TACC2: variants seen among roughly 807,000 people sequenced by gnomAD.
TACC2 encodes the protein transforming acidic coiled-coil-containing protein 2.
Under a neutral mutation model 227.3 loss-of-function variants are expected in TACC2, and 137 were observed. The ratio of observed to expected loss-of-function variants is 0.60; its 90% CI spans 0.52 to 0.69. TACC2 has a LOEUF of 0.69. Ranked by LOEUF, TACC2 falls within the 30% of genes least tolerant of loss-of-function variation. The probability of loss-of-function intolerance (pLI) is 0.00; values close to 1 mark genes in which losing one functional copy is unlikely to be tolerated. For missense variants in TACC2, 3,470 were observed against 3,694.4 expected, an observed-to-expected ratio of 0.94 and a Z score of 1.57; for synonymous variants, 1,523 against 1,487.5, an observed-to-expected ratio of 1.02 and a Z score of -0.55.
rs761467777 is a variant in TACC2 at position 122,083,136 on chromosome 10, G to A, written c.636G>A (p.Pro212=). The A allele has an allele frequency of 3.7e-6, 6 of 1,613,054 alleles. No individual in the cohort carries two copies. Among genetic ancestry groups the A allele is most frequent in the Admixed American group, 3.3e-5 (2 of 60,004 alleles). Residue 212 remains proline (P), a synonymous_variant, in exon 4 of 23, where the codon CCG becomes CCA. Transcript: ENST00000369005. ...PVPLREPMKA[P]LCGEGDQPGG... is the part of the protein sequence containing the mutation. The stretch of plus-strand genomic sequence containing the variant: ...CCCTCAGAGAGCCAATGAAGGCACC[G>A]CTGTGTGGAGAGGGGGACCAGCCTG...
intron 1 of TACC2, among the ~76,000 whole-genome samples, chr10:122,013,665 A>G (rs1956213100): frequency 6.6e-6 from 1 of 152,202 alleles, no homozygotes; most frequent in Non-Finnish European, 1.5e-5. Flanking sequence ...TCCTCCACTG[A>G]CACAGAACCC....
At chr10:122,182,392 C>T (rs1327016972) in intron 7 of TACC2, among the ~76,000 whole-genome samples, 1 of 152,064 alleles carries the variant, frequency 6.6e-6, no homozygotes, top group East Asian at 1.9e-4. Context: ...ATTAAAATTC[C>T]AGCTGCTTGG....
chr10:122,001,473 C>A (rs561963627), intron 1 of TACC2, among the ~76,000 whole-genome samples: 1 of 152,244 alleles, frequency 6.6e-6, no homozygotes, highest in South Asian at 2.1e-4. Flanking sequence ...CCACTGGGTC[C>A]CTCCCATGAC....
chr10:122,229,909 T>C (rs1215482340), intron 15 of TACC2, among the ~76,000 whole-genome samples: 2 of 152,190 alleles, frequency 1.3e-5, no homozygotes, highest in African/African-American at 4.8e-5. Context: ...AATGATCTAC[T>C]CTGTGCTTTA....
intron 5 of TACC2, among the ~76,000 whole-genome samples, chr10:122,114,818 G>A (rs1447687854): frequency 2.0e-5 from 3 of 152,210 alleles, no homozygotes; most frequent in Non-Finnish European, 4.4e-5. Flanking sequence ...TGCCGCCTCT[G>A]TGGAACCTAG....
intron 1 of TACC2, among the ~76,000 whole-genome samples, chr10:122,005,729 T>G (rs1212371346): frequency 6.7e-6 from 1 of 149,364 alleles, no homozygotes; most frequent in Non-Finnish European, 1.5e-5. Context: ...AGTCTCACTT[T>G]GTTGCCCAGG....
rs1168443960 is a variant in TACC2 at position 122,061,000 on chromosome 10, C to CA, written c.146+10469dup. Among the ~76,000 whole-genome samples the CA allele has an allele frequency of 3.5e-4, 46 of 130,740 alleles. 1 individual carries two copies. The highest frequency in any genetic ancestry group is 1.5e-3 in the African/African-American group (45 of 30,422). The allele number at this position is 130,740 out of a possible 152,430, so 85.8% of individuals were successfully genotyped here. Reference sequence around the variant, plus strand: ...AGCCTGGGCAACAGAGACTCCATCTCAAAAAAAAAAAAAAAAAAAGGGGGG... The same window carrying CA: ...AGCCTGGGCAACAGAGACTCCATCTCAAAAAAAAAAAAAAAAAAAAGGGGGG... On this transcript the variant is annotated intron_variant, in intron 3 of 22. Transcript: ENST00000369005.
At chr10:122,007,008 T>C (rs1315065714) in intron 1 of TACC2, among the ~76,000 whole-genome samples, 3 of 152,028 alleles carry the variant, frequency 2.0e-5, no homozygotes, top group African/African-American at 7.2e-5. Context: ...ATTATAGGCA[T>C]GCGCCACCAT....
chr10:122,188,169 A>G (rs1027899529), intron 7 of TACC2, among the ~76,000 whole-genome samples: 1 of 152,200 alleles, frequency 6.6e-6, no homozygotes, highest in African/African-American at 2.4e-5. Context: ...GTGAGCTGAG[A>G]TCCAGAAAAT....
chr10:122,196,963 A>T (rs1024174770), intron 8 of TACC2, among the ~76,000 whole-genome samples: 1 of 150,702 alleles, frequency 6.6e-6, no homozygotes, highest in African/African-American at 2.4e-5. Flanking sequence ...AAAAAAACAA[A>T]GAATAAACTA....
At chr10:122,222,080 A>G (rs2141253989) in intron 11 of TACC2, among the ~76,000 whole-genome samples, 1 of 152,342 alleles carries the variant, frequency 6.6e-6, no homozygotes, top group Admixed American at 6.5e-5. Flanking sequence ...ACACGTTAGC[A>G]AGGACCATCT....
rs146023378 is a variant in TACC2, at chr10:122,087,036, C to T, written c.4536C>T (p.Ala1512=). ...GLTWERNLPG[A]GVGKEMAGVP... ...CCTGGGAGCGGAACTTGCCAGGTGC[C>T]GGTGTGGGGAAGGAGATGGCAGGTG... The change falls in exon 4 of 23, where the codon GCC becomes GCT. Residue 1512 remains alanine, a synonymous_variant. Transcript: ENST00000369005. 301 of 1,613,776 alleles carry T rather than the reference C, an allele frequency of 1.9e-4. No individual in the cohort carries two copies. The East Asian group carries it at 2.1e-3, about 11-fold the overall frequency.
chr10:122,121,814 G>A (rs570034839), intron 5 of TACC2, among the ~76,000 whole-genome samples: 4 of 152,252 alleles, frequency 2.6e-5, no homozygotes, highest in East Asian at 1.9e-4. Context: ...TGGTGGTCAC[G>A]ATTCCCCTGC....
intron 5 of TACC2, among the ~76,000 whole-genome samples, chr10:122,117,574 G>A (rs980480286): frequency 2.0e-5 from 3 of 152,102 alleles, no homozygotes; most frequent in Admixed American, 2.0e-4. Flanking sequence ...CTCTTGTTAG[G>A]TCTGCTGACC....
intron 8 of TACC2, among the ~76,000 whole-genome samples, chr10:122,195,844 A>G (rs1403441916): frequency 1.3e-5 from 2 of 152,294 alleles, no homozygotes; most frequent in East Asian, 3.9e-4. Flanking sequence ...TGGAAGAGAT[A>G]GGGCCTGCCA....
chr10:122,210,974 T>C lies in TACC2; in HGVS notation c.6549T>C (p.Pro2183=). 5 of 1,613,534 alleles carry C rather than the reference T, an allele frequency of 3.1e-6. No individual in the cohort carries two copies. Among genetic ancestry groups the C allele is most frequent in the Non-Finnish European group, 4.2e-6 (5 of 1,179,814 alleles). Reference sequence around the variant, plus strand: ...CGGAATCTGCCAAGACGGAAGGTCCTAGCCCAGCCTTATTGGAGGAGACGC... The same window carrying C: ...CGGAATCTGCCAAGACGGAAGGTCCCAGCCCAGCCTTATTGGAGGAGACGC... ...TKTESAKTEG[P]SPALLEETPL... The change falls in exon 9 of 23, where the codon CCT becomes CCC. Residue 2183 remains proline (P), a synonymous_variant. Transcript: ENST00000369005. This position sits in a 1 kb window ranked among gnomAD's most constrained non-coding sequence, Gnocchi z 4.6.
Position 122,087,832 on chromosome 10 carries a change from C to T in TACC2, c.5332C>T (p.Gln1778Ter). 2 of 1,547,814 alleles carry T rather than the reference C, an allele frequency of 1.3e-6. No homozygotes were observed. The highest frequency in any genetic ancestry group is 8.7e-7 in the Non-Finnish European group (1 of 1,146,378). ...AGCCAGGCCCCAGCAGGCTAAGGAG[C>T]AGCCAGGGCCTGAGCGCCCCATTCC... ...SPARPQQAKE[Q>*]PGPERPIPAG... Residue 1778 changes from glutamine to a stop codon, truncating the protein, a stop_gained, in exon 4 of 23, where the codon CAG (glutamine) becomes TAG (stop). Coordinates refer to ENST00000369005, the MANE Select transcript of TACC2 (RefSeq NM_206862.4). LOFTEE classifies it high-confidence loss of function.
At chr10:122,123,667 A>G (rs900317446) in intron 5 of TACC2, among the ~76,000 whole-genome samples, 2 of 152,118 alleles carry the variant, frequency 1.3e-5, no homozygotes, top group Non-Finnish European at 2.9e-5. Context: ...CTGACTTATG[A>G]CAGCCTTTGC....
intron 8 of TACC2, among the ~76,000 whole-genome samples, chr10:122,203,437 C>T (rs1446719866): frequency 1.1e-4 from 16 of 151,198 alleles, no homozygotes; most frequent in African/African-American, 3.4e-4. Context: ...ACCTCCCTCC[C>T]GGACGAGGTG....
Sources: allele counts gnomAD v4.1 joint callset (sites outside exome capture counted in the v4.1 genomes callset), GRCh38; gene constraint gnomAD v4.1.1; non-coding constraint Gnocchi (gnomAD v3.1); transcripts MANE v1.5; gene names NCBI Gene and HGNC (gene_info 2026-07-23, HGNC 2026-07-21).